SYNPO2: variants seen among roughly 807,000 people sequenced by gnomAD.
SYNPO2 encodes synaptopodin-2.
A neutral mutation model predicts 85.0 loss-of-function variants in SYNPO2; 56 were observed. The ratio of observed to expected loss-of-function variants is 0.66; its 90% CI spans 0.53 to 0.82. The LOEUF (loss-of-function observed/expected upper bound fraction) is 0.82. SYNPO2 is among the 40% of genes least tolerant of loss of function. The probability of loss-of-function intolerance (pLI) is 0.00; values close to 1 mark genes in which losing one functional copy is unlikely to be tolerated. For synonymous variants in SYNPO2, 602 were observed against 591.1 expected (o/e 1.02, Z -0.27); for missense variants, 1,575 against 1,534.2 (o/e 1.03, Z -0.44).
intron 1 of SYNPO2, among the ~76,000 whole-genome samples, chr4:118,895,784 A>T (rs965899955): frequency 1.3e-5 from 2 of 152,208 alleles, no homozygotes; most frequent in African/African-American, 4.8e-5. Flanking sequence ...CATTATACCT[A>T]ACTGGATATT....
intron 1 of SYNPO2, among the ~76,000 whole-genome samples, chr4:118,992,051 G>C (rs1307596744): frequency 6.6e-6 from 1 of 152,176 alleles, no homozygotes; most frequent in Non-Finnish European, 1.5e-5. Flanking sequence ...CTTCATTGTG[G>C]CCTCACTTTA....
rs913753485 is a variant in SYNPO2 at position 119,050,982 on chromosome 4, G to C, written c.3253-6419G>C. The stretch of plus-strand genomic sequence containing the variant: ...ATTAGCCTTGCCCAACAAACTGGAG[G>C]GAGAAGGATGTGGAGAACTTGAGGG... On this transcript the variant is annotated intron_variant, in intron 4 of 4. Transcript: ENST00000307142. Among the ~76,000 whole-genome samples, 72 of 152,106 alleles carry C rather than the reference G, an allele frequency of 4.7e-4. 1 individual carries two copies. The highest frequency in any genetic ancestry group is 6.8e-4 in the Non-Finnish European group (46 of 68,022).
At chr4:119,024,568 C>A (rs1578653525) in intron 2 of SYNPO2, among the ~76,000 whole-genome samples, 2 of 152,246 alleles carry the variant, frequency 1.3e-5, no homozygotes, top group East Asian at 3.9e-4. Context: ...TTCTTATAAT[C>A]TAAATATTTA....
intron 1 of SYNPO2, among the ~76,000 whole-genome samples, chr4:118,877,060 C>T (rs997843514): frequency 2.0e-5 from 3 of 152,032 alleles, no homozygotes; most frequent in African/African-American, 7.2e-5. Flanking sequence ...CCTGCCTCAG[C>T]CTCCAAAAAT....
At chr4:118,971,810 G>A (rs1341182839) in intron 1 of SYNPO2, among the ~76,000 whole-genome samples, 1 of 152,180 alleles carries the variant, frequency 6.6e-6, no homozygotes, top group Non-Finnish European at 1.5e-5. Context: ...AATCAAATTA[G>A]CTACTCTTCC....
At chr4:119,037,146 T>C (rs781049034) in intron 4 of SYNPO2, 27 of 1,545,898 alleles carry the variant, frequency 1.7e-5, no homozygotes, top group Non-Finnish European at 2.0e-5. Context: ...AGTCAAGATA[T>C]CATAAGGACC....
At chr4:118,961,845 G>T (rs1442227329) in intron 1 of SYNPO2, among the ~76,000 whole-genome samples, 1 of 152,144 alleles carries the variant, frequency 6.6e-6, no homozygotes, top group Non-Finnish European at 1.5e-5. Flanking sequence ...GTATCACCAG[G>T]AAGGCAGGTT....
intron 1 of SYNPO2, among the ~76,000 whole-genome samples, chr4:118,926,681 G>T (rs547095958): frequency 3.9e-5 from 6 of 152,112 alleles, no homozygotes; most frequent in Non-Finnish European, 8.8e-5. Context: ...GCAAAGAAAA[G>T]AATATGATCA....
intron 1 of SYNPO2, among the ~76,000 whole-genome samples, chr4:118,897,804 C>T (rs964029520): frequency 2.0e-5 from 3 of 152,146 alleles, no homozygotes; most frequent in Admixed American, 6.5e-5. Flanking sequence ...AGCTCCTAGA[C>T]ATGTCACTTT....
intron 1 of SYNPO2, among the ~76,000 whole-genome samples, chr4:118,970,537 G>A (rs1735501080): frequency 6.6e-6 from 1 of 152,150 alleles, no homozygotes; most frequent in Non-Finnish European, 1.5e-5. Context: ...TAAGATGCAT[G>A]AATGCTTTTA....
intron 2 of SYNPO2, among the ~76,000 whole-genome samples, chr4:119,025,797 C>T (rs1189529418): frequency 6.6e-6 from 1 of 152,154 alleles, no homozygotes; most frequent in Non-Finnish European, 1.5e-5. Context: ...ATTAGAGTTT[C>T]AGAAAGAAGT....
Position 118,893,085 on chromosome 4 carries a change from C to T in SYNPO2, c.105+3944C>T, listed in dbSNP as rs556333977. ...TATACTTGAGAATAAATGCTCCTTC[C>T]TATATATGAAAACTGGTAATATCTT... On this transcript the variant is annotated intron_variant, in intron 1 of 4. Transcript: ENST00000307142. 2.0e-5 allele frequency among the ~76,000 whole-genome samples: 3 copies of T among 152,114 alleles called. No individual in the cohort carries two copies. In the South Asian group the frequency reaches 6.2e-4, roughly 32 times the overall value.
chr4:118,885,427 A>G (rs1732180640), upstream of SYNPO2, among the ~76,000 whole-genome samples: 1 of 151,718 alleles, frequency 6.6e-6, no homozygotes, highest in Admixed American at 6.6e-5. Flanking sequence ...AAATGAGGGA[A>G]GGAGCAGATT....
intron 1 of SYNPO2, among the ~76,000 whole-genome samples, chr4:118,914,454 A>C (rs775378426): frequency 3.9e-5 from 6 of 152,188 alleles, no homozygotes; most frequent in Non-Finnish European, 7.4e-5. Context: ...AAAATAAGTC[A>C]TTAGAAAGAT....
rs570101543 is a variant in SYNPO2, at chr4:119,009,146, G to A, written c.106-14284G>A. 3.9e-5 allele frequency among the ~76,000 whole-genome samples: 6 copies of A among 152,266 alleles called. No individual in the cohort carries two copies. The East Asian group carries it at 7.7e-4, about 20-fold the overall frequency. On this transcript the variant is annotated intron_variant, in intron 1 of 4. Coordinates refer to ENST00000307142, the MANE Select transcript of SYNPO2 (RefSeq NM_133477.3). ...TAGCACAAATATTATCAAATGCTTC[G>A]TAAAGATTTTTGTATGCTTGCAATT...
Position 118,976,082 on chromosome 4 carries a change from G to C in SYNPO2, c.106-47348G>C, listed in dbSNP as rs145216497. Among the ~76,000 whole-genome samples, 1,082 of 152,342 alleles carry C rather than the reference G, an allele frequency of 7.1e-3. 9 individuals are homozygous for C. Among genetic ancestry groups the C allele is most frequent in the Non-Finnish European group, 0.012 (848 of 68,028 alleles). On this transcript the variant is annotated intron_variant, in intron 1 of 4. Coordinates refer to ENST00000307142, the MANE Select transcript of SYNPO2 (RefSeq NM_133477.3). Reference sequence around the variant, plus strand: ...ATTGACTCTAGTGACTTTGTGTCCAGAATTGGTGGGTTCTTGGTCTCACTG... The same window carrying C: ...ATTGACTCTAGTGACTTTGTGTCCACAATTGGTGGGTTCTTGGTCTCACTG...
intron 1 of SYNPO2, among the ~76,000 whole-genome samples, chr4:118,960,585 G>A (rs1261202523): frequency 1.3e-5 from 2 of 152,024 alleles, no homozygotes; most frequent in Non-Finnish European, 2.9e-5. Flanking sequence ...CTCCAATCCT[G>A]ACTTCTCAGA....
At chr4:119,021,798 C>T (rs1041004557) in intron 1 of SYNPO2, among the ~76,000 whole-genome samples, 11 of 152,094 alleles carry the variant, frequency 7.2e-5, no homozygotes, top group East Asian at 1.9e-4. Context: ...TGGAACCTAA[C>T]GAGTTAAGGC....
At chr4:119,028,759 TAAA>T (rs1247327043) in intron 3 of SYNPO2, among the ~76,000 whole-genome samples, 1 of 146,728 alleles carries the variant, frequency 6.8e-6, no homozygotes, top group African/African-American at 2.4e-5. Context: ...TTTTCAATCA[TAAA>T]ATAGTCAAAA....
Sources: gnomAD v4.1 joint callset for allele counts (sites outside exome capture counted in the v4.1 genomes callset) on GRCh38, gnomAD v4.1.1 for gene constraint, MANE v1.5 for transcripts, NCBI Gene and HGNC (gene_info 2026-07-23, HGNC 2026-07-21) for gene names.